Variants in CDH13 observed in about 807,000 individuals in gnomAD.
CDH13 encodes cadherin-13.
In CDH13, 24 loss-of-function variants were observed where a neutral mutation model predicts 63.8. The observed-to-expected ratio is 0.38, with a 90% CI of 0.27 to 0.53. The LOEUF (loss-of-function observed/expected upper bound fraction) is 0.53, where lower values mean the gene tolerates loss of function less well. Among genes scored for constraint, CDH13 ranks in the 20% least tolerant of loss-of-function variants. CDH13 has a pLI of 0.85. For missense variants in CDH13, 1,049 were observed against 903.1 expected, an observed-to-expected ratio of 1.16 and a Z score of -2.07; for synonymous variants, 503 against 355.3, an observed-to-expected ratio of 1.42 and a Z score of -4.67.
At chr16:82,949,912 A>C (rs1050308803) in intron 2 of CDH13, among the ~76,000 whole-genome samples, 1 of 152,044 alleles carries the variant, frequency 6.6e-6, no homozygotes, top group Non-Finnish European at 1.5e-5. Context: ...TTGAAATCAG[A>C]ATCTGTGTTC....
At chr16:83,506,984 T>A (rs1212303909) in intron 7 of CDH13, among the ~76,000 whole-genome samples, 1 of 152,214 alleles carries the variant, frequency 6.6e-6, no homozygotes, top group Non-Finnish European at 1.5e-5. Context: ...CTGTGTGCAA[T>A]CATAAATGTT....
chr16:83,750,050 A>G (rs1201166923), intron 11 of CDH13, among the ~76,000 whole-genome samples: 2 of 152,136 alleles, frequency 1.3e-5, no homozygotes, highest in African/African-American at 2.4e-5. Flanking sequence ...GTAGTCCCAG[A>G]ACGTTGGGAG....
At chr16:83,000,947 C>A (rs1433739657) in intron 2 of CDH13, among the ~76,000 whole-genome samples, 1 of 152,204 alleles carries the variant, frequency 6.6e-6, no homozygotes. Context: ...TTGCTTTTCT[C>A]TCTTTCCTCA....
intron 1 of CDH13, 137 bp from the exon 2 acceptor site, chr16:82,858,225 G>A (rs2039782411): frequency 1.6e-6 from 1 of 607,818 alleles, no homozygotes; most frequent in South Asian, 2.2e-5. Context: ...AGCCACTGGA[G>A]AAGTTTCAAC....
At chr16:82,931,056 T>TATATCTTCTTTCAAA (rs2042474800) in intron 2 of CDH13, among the ~76,000 whole-genome samples, 2 of 152,224 alleles carry the variant, frequency 1.3e-5, no homozygotes, top group South Asian at 4.1e-4. Flanking sequence ...CCAAACAAAG[T>TATATCTTCTTTCAAA]AGGCACCATA....
intron 4 of CDH13, among the ~76,000 whole-genome samples, chr16:83,155,785 G>T (rs1412302627): frequency 6.6e-6 from 1 of 152,192 alleles, no homozygotes. Context: ...TATAAATACA[G>T]TGTAGTCAAG....
intron 6 of CDH13, among the ~76,000 whole-genome samples, chr16:83,428,867 C>G (rs573896929): frequency 6.6e-6 from 1 of 152,320 alleles, no homozygotes; most frequent in East Asian, 1.9e-4. Flanking sequence ...CATTCAGGCA[C>G]TATTCTTGGT....
At chr16:83,251,192 G>T (rs1189844371) in intron 5 of CDH13, among the ~76,000 whole-genome samples, 1 of 152,108 alleles carries the variant, frequency 6.6e-6, no homozygotes, top group African/African-American at 2.4e-5. Flanking sequence ...GGGAAAATGG[G>T]TAAAGGGTAT....
At chr16:82,967,320 A>G (rs1034113603) in intron 2 of CDH13, among the ~76,000 whole-genome samples, 12 of 151,276 alleles carry the variant, frequency 7.9e-5, no homozygotes, top group South Asian at 4.2e-4. Context: ...CCCTCCCTTT[A>G]TAGCTCTAAT....
At chr16:83,413,547 A>G (rs969918979) in intron 6 of CDH13, among the ~76,000 whole-genome samples, 4 of 152,228 alleles carry the variant, frequency 2.6e-5, no homozygotes, top group African/African-American at 9.7e-5. Context: ...ATCGGGGTGT[A>G]GCAATCTTGG....
At chr16:83,596,055 C>G (rs1195782026) in intron 7 of CDH13, among the ~76,000 whole-genome samples, 1 of 152,198 alleles carries the variant, frequency 6.6e-6, no homozygotes, top group African/African-American at 2.4e-5. Flanking sequence ...TGATTACATT[C>G]GTCTTTCCTC....
intron 2 of CDH13, among the ~76,000 whole-genome samples, chr16:82,912,616 AACTAATTTGTGCTTTCT>A (rs1474199409): frequency 2.0e-5 from 3 of 152,220 alleles, no homozygotes; most frequent in African/African-American, 7.2e-5. Context: ...AGGAAGAAAC[AACTAATTTGTGCTTTCT>A]GTTATTGCAT....
chr16:83,511,128 GTGCACACATGCACGCACA>G (rs1323796080), intron 7 of CDH13, among the ~76,000 whole-genome samples: 1 of 128,656 alleles, frequency 7.8e-6, no homozygotes, highest in Non-Finnish European at 1.7e-5. Flanking sequence ...ACATGCACAT[GTGCACACATGCACGCACA>G]TGCACACACG....
chr16:83,714,348 C>T (rs1204204224), intron 10 of CDH13, among the ~76,000 whole-genome samples: 1 of 152,270 alleles, frequency 6.6e-6, no homozygotes. Flanking sequence ...TCTACGCTCT[C>T]GGTCATAGAT....
At chr16:82,700,321 T>G (rs1818635013) in intron 1 of CDH13, among the ~76,000 whole-genome samples, 1 of 152,162 alleles carries the variant, frequency 6.6e-6, no homozygotes. Flanking sequence ...AGAGAACACT[T>G]TAAAGAACAG....
chr16:83,606,816 G>A (rs1251807275), intron 8 of CDH13, among the ~76,000 whole-genome samples: 1 of 150,728 alleles, frequency 6.6e-6, no homozygotes, highest in African/African-American at 2.5e-5. Context: ...TTAGCTTTCT[G>A]CTCCGCCGCC....
intron 3 of CDH13, among the ~76,000 whole-genome samples, chr16:83,067,197 A>C (rs1029027673): frequency 6.6e-6 from 1 of 152,114 alleles, no homozygotes; most frequent in African/African-American, 2.4e-5. Context: ...CTTCCTATCA[A>C]ATCTTTCAGC....
intron 1 of CDH13, among the ~76,000 whole-genome samples, chr16:82,736,719 C>G (rs181069121): frequency 6.6e-6 from 1 of 152,152 alleles, no homozygotes; most frequent in Admixed American, 6.5e-5. Flanking sequence ...TCAGGCTACA[C>G]AGTCACTCTC....
At chr16:83,598,329 C>A (rs988206630) in intron 7 of CDH13, among the ~76,000 whole-genome samples, 1 of 152,078 alleles carries the variant, frequency 6.6e-6, no homozygotes, top group Non-Finnish European at 1.5e-5. Flanking sequence ...CACATCACTG[C>A]ACTCCAGCCT....
Sources: allele counts gnomAD v4.1 joint callset (sites outside exome capture counted in the v4.1 genomes callset), GRCh38; gene constraint gnomAD v4.1.1; transcripts MANE v1.5; gene names NCBI Gene and HGNC (gene_info 2026-07-23, HGNC 2026-07-21).